Variants in ARK2C observed in about 807,000 individuals in gnomAD.
ARK2C encodes arkadia (RNF111) C-terminal like ring finger ubiquitin ligase 2C, also known as E3 ubiquitin-protein ligase ARK2C.
At chr18:46,340,004 C>A in the ARK2C span, among the ~76,000 whole-genome samples, 1 of 152,208 alleles carries the variant, frequency 6.6e-6, no homozygotes, top group Non-Finnish European at 1.5e-5. Context: ...GACCCCTTTT[C>A]TGAAGCAAAG....
the ARK2C span, among the ~76,000 whole-genome samples, chr18:46,389,181 G>A: frequency 6.6e-6 from 1 of 152,166 alleles, no homozygotes; most frequent in African/African-American, 2.4e-5. Flanking sequence ...AGGAAACAGG[G>A]AAACATCCAC....
chr18:46,393,486 C>T, the ARK2C span, among the ~76,000 whole-genome samples: 6,422 of 152,248 alleles, frequency 0.042, 193 homozygotes, highest in Non-Finnish European at 0.069. Flanking sequence ...TGGGAGGCTT[C>T]CTTCTCTTTC....
the ARK2C span, among the ~76,000 whole-genome samples, chr18:46,351,802 C>T: frequency 6.6e-6 from 1 of 152,178 alleles, no homozygotes. Context: ...GGCAGTGTCC[C>T]ACCGTGGCGG....
chr18:46,439,847 T>C, the ARK2C span, among the ~76,000 whole-genome samples: 1 of 152,264 alleles, frequency 6.6e-6, no homozygotes, highest in African/African-American at 2.4e-5. Context: ...TGTTTGTTTT[T>C]TTGAGACGGA....
At chr18:46,448,824 T>G in the ARK2C span, among the ~76,000 whole-genome samples, 1 of 152,216 alleles carries the variant, frequency 6.6e-6, no homozygotes, top group Admixed American at 6.5e-5. Flanking sequence ...AGCAAAAGCT[T>G]GATTGAAAAT....
At chr18:46,414,430 C>T in the ARK2C span, among the ~76,000 whole-genome samples, 1 of 152,236 alleles carries the variant, frequency 6.6e-6, no homozygotes, top group South Asian at 2.1e-4. Context: ...ACCACAGCTG[C>T]TCTCTGTGTG....
At chr18:46,392,096 CCACG>C in the ARK2C span, among the ~76,000 whole-genome samples, 73 of 151,952 alleles carry the variant, frequency 4.8e-4, no homozygotes, top group Non-Finnish European at 7.7e-4. Context: ...TACACACACA[CCACG>C]CATACACACA....
At chr18:46,395,580 A>G in the ARK2C span, among the ~76,000 whole-genome samples, 3 of 152,184 alleles carry the variant, frequency 2.0e-5, no homozygotes, top group Non-Finnish European at 4.4e-5. Context: ...TAACTCATCT[A>G]CAGCAGCTGG....
At chr18:46,417,613 T>C in the ARK2C span, among the ~76,000 whole-genome samples, 2 of 152,260 alleles carry the variant, frequency 1.3e-5, no homozygotes, top group Non-Finnish European at 2.9e-5. Context: ...CCTTTTCTTC[T>C]TCCTGCTTCA....
the ARK2C span, among the ~76,000 whole-genome samples, chr18:46,364,393 G>T: frequency 7.5e-6 from 1 of 134,060 alleles, no homozygotes; most frequent in Non-Finnish European, 1.5e-5. Flanking sequence ...TTTTGGTGTG[G>T]TCTAAGAAAC....
the ARK2C span, among the ~76,000 whole-genome samples, chr18:46,397,595 G>GGT: frequency 1.0e-3 from 90 of 86,000 alleles, 1 homozygote; most frequent in African/African-American, 3.4e-3. Context: ...GGGGTGTGAG[G>GGT]GTGTGTGTGT....
the ARK2C span, among the ~76,000 whole-genome samples, chr18:46,372,185 A>G: frequency 6.6e-6 from 1 of 152,176 alleles, no homozygotes; most frequent in Non-Finnish European, 1.5e-5. Flanking sequence ...TGCCAAGTTC[A>G]GAGGCACTGA....
the ARK2C span, among the ~76,000 whole-genome samples, chr18:46,451,517 G>C: frequency 1.3e-5 from 2 of 152,146 alleles, no homozygotes; most frequent in African/African-American, 4.8e-5. Flanking sequence ...AATAAGGACT[G>C]GGCATAGTGA....
At chr18:46,350,096 A>G in the ARK2C span, among the ~76,000 whole-genome samples, 1 of 152,200 alleles carries the variant, frequency 6.6e-6, no homozygotes, top group African/African-American at 2.4e-5. Context: ...CCCATGATAC[A>G]TACCCAGAGA....
chr18:46,445,810 G>T, the ARK2C span, among the ~76,000 whole-genome samples: 5 of 152,106 alleles, frequency 3.3e-5, 1 homozygote, highest in Admixed American at 3.3e-4. Context: ...ATTCTGTTCA[G>T]CTTTCTAGTG....
the ARK2C span, among the ~76,000 whole-genome samples, chr18:46,390,145 C>T: frequency 9.2e-5 from 14 of 152,240 alleles, no homozygotes; most frequent in African/African-American, 3.4e-4. Flanking sequence ...GACCTCCCCA[C>T]CCCAACCCCT....
At chr18:46,336,135 A>T in the ARK2C span, 1 of 985,358 alleles carries the variant, frequency 1.0e-6, no homozygotes, top group African/African-American at 1.7e-5. Flanking sequence ...ATACACAATT[A>T]TCTCTTATTA....
chr18:46,454,996 A>C, the ARK2C span, among the ~76,000 whole-genome samples: 2 of 152,266 alleles, frequency 1.3e-5, no homozygotes, highest in Non-Finnish European at 2.9e-5. Flanking sequence ...GGTAAACTAC[A>C]TAATGATTCT....
At chr18:46,391,087 G>A in the ARK2C span, among the ~76,000 whole-genome samples, 3 of 152,196 alleles carry the variant, frequency 2.0e-5, no homozygotes, top group African/African-American at 4.8e-5. Flanking sequence ...GGTGGCTGTG[G>A]AGAGAGTTCC....
Sources: allele counts gnomAD v4.1 joint callset (sites outside exome capture counted in the v4.1 genomes callset), GRCh38; gene constraint gnomAD v4.1.1; transcripts MANE v1.5; gene names NCBI Gene and HGNC (gene_info 2026-07-23, HGNC 2026-07-21).